The following PRLR variants were observed in gnomAD, a reference collection of about 807,000 sequenced individuals.
PRLR encodes prolactin receptor.
In PRLR, 13 loss-of-function variants were observed where a neutral mutation model predicts 40.2. The observed-to-expected ratio is 0.32, with a 90% CI of 0.21 to 0.51. The LOEUF (loss-of-function observed/expected upper bound fraction) is 0.51. Among genes scored for constraint, PRLR ranks in the 20% least tolerant of loss-of-function variants. PRLR has a pLI of 0.97. For missense variants in PRLR, 656 were observed against 747.3 expected (o/e 0.88, Z 1.42); for synonymous variants, 269 against 278.7 (o/e 0.97, Z 0.35).
intron 1 of PRLR, among the ~76,000 whole-genome samples, chr5:35,132,225 T>C (rs905633387): frequency 3.9e-5 from 6 of 152,168 alleles, no homozygotes; most frequent in African/African-American, 1.4e-4. Flanking sequence ...ATGTTCTAGG[T>C]CTTTAGGAAA....
chr5:35,084,817 G>A (rs745802425), intron 4 of PRLR, among the ~76,000 whole-genome samples, 178 bp from the exon 5 acceptor site: 6 of 152,168 alleles, frequency 3.9e-5, no homozygotes, highest in Non-Finnish European at 7.4e-5. Flanking sequence ...GAGTGAGAGA[G>A]GGAAGAGCAT....
intron 1 of PRLR, among the ~76,000 whole-genome samples, chr5:35,156,128 AAAAAAAAAAAAC>A (rs1362376878): frequency 6.6e-5 from 8 of 121,070 alleles, no homozygotes; most frequent in African/African-American, 1.3e-4. Flanking sequence ...TGCTCAAGAT[AAAAAAAAAAAAC>A]AAAAAAAAAA....
chr5:35,087,426 G>A (rs1770927120), intron 3 of PRLR, among the ~76,000 whole-genome samples: 1 of 147,576 alleles, frequency 6.8e-6, no homozygotes, highest in Admixed American at 7.0e-5. Context: ...TTTCCTTTGT[G>A]TGTGTGTGTG....
intron 2 of PRLR, among the ~76,000 whole-genome samples, chr5:35,105,385 T>C (rs755531218): frequency 1.3e-5 from 2 of 152,126 alleles, no homozygotes; most frequent in Non-Finnish European, 1.5e-5. Context: ...TGTTGACGAG[T>C]TGACAGAAGT....
At chr5:35,103,877 GA>G (rs1282056809) in intron 2 of PRLR, among the ~76,000 whole-genome samples, 1 of 152,202 alleles carries the variant, frequency 6.6e-6, no homozygotes, top group African/African-American at 2.4e-5. Flanking sequence ...TGCCTAAGCA[GA>G]AGGCCTGACA....
intron 1 of PRLR, among the ~76,000 whole-genome samples, chr5:35,224,125 A>G (rs968443530): frequency 5.3e-5 from 8 of 152,134 alleles, no homozygotes; most frequent in African/African-American, 1.9e-4. Flanking sequence ...TAGCGTTACA[A>G]TGCTGGGCTC....
chr5:35,071,690 C>G (rs1176400030), intron 6 of PRLR, among the ~76,000 whole-genome samples: 1 of 152,094 alleles, frequency 6.6e-6, no homozygotes, highest in African/African-American at 2.4e-5. Flanking sequence ...CTCTGCCTCC[C>G]AGGTTTAAGC....
chr5:35,092,788 T>G (rs2112484709), intron 2 of PRLR, among the ~76,000 whole-genome samples: 1 of 152,272 alleles, frequency 6.6e-6, no homozygotes. Context: ...AGCTCCTTGG[T>G]TTTGACTGAG....
chr5:35,102,274 C>T (rs951083683), intron 2 of PRLR, among the ~76,000 whole-genome samples: 2 of 152,018 alleles, frequency 1.3e-5, no homozygotes, highest in African/African-American at 4.8e-5. Flanking sequence ...TCAGCTGCTC[C>T]TAGAGATCAA....
chr5:35,064,516 A>T lies in PRLR; in HGVS notation c.*573T>A, dbSNP rs892451246. On this transcript the variant is annotated 3_prime_UTR_variant, in exon 10 of 10. Coordinates refer to ENST00000618457, the MANE Select transcript of PRLR (RefSeq NM_000949.7). ...ACTATTTTAAGAAAAAATTGGAGGC[A>T]TTATTTCTTACTTGCATATCAGCAA... 6.5e-6 allele frequency: 1 copy of T among 152,676 alleles called. No individual in the cohort carries two copies. The highest frequency in any genetic ancestry group is 1.5e-5 in the Non-Finnish European group (1 of 68,068). The allele number at this position is 152,676 out of a possible 1,614,324, so 9.5% of individuals were successfully genotyped here. A position where few individuals can be genotyped will look rare whatever the true frequency, so the allele number is the denominator to read the frequency against.
chr5:35,153,415 C>G (rs1774394571), intron 1 of PRLR, among the ~76,000 whole-genome samples: 2 of 152,142 alleles, frequency 1.3e-5, no homozygotes, highest in African/African-American at 4.8e-5. Flanking sequence ...TGAAATCTGC[C>G]TGTCCAGATC....
Position 35,068,723 on chromosome 5 carries a change from TG to T in PRLR, c.785+55del, listed in dbSNP as rs1166389561. 10 of 1,286,710 alleles carry T rather than the reference TG, an allele frequency of 7.8e-6. No homozygotes were observed. In the Admixed American group the frequency reaches 1.1e-4, roughly 15 times the overall value. The allele number at this position is 1,286,710 out of a possible 1,614,324, so 79.7% of individuals were successfully genotyped here. A position where few individuals can be genotyped will look rare whatever the true frequency, so the allele number is the denominator to read the frequency against. On this transcript the variant is annotated intron_variant, in intron 8 of 9. Coordinates refer to ENST00000618457, the MANE Select transcript of PRLR (RefSeq NM_000949.7). ...TCCATCATCTTTGTATTTTTTTTTT[TG>T]TCATTATCCTTGACTATCATGATTG...
rs1775837414 is a variant in PRLR at position 35,200,035 on chromosome 5, CTGATGAT to C, written c.-106+30226_-106+30232del. On this transcript the variant is annotated intron_variant, in intron 1 of 9. Coordinates refer to ENST00000618457, the MANE Select transcript of PRLR (RefSeq NM_000949.7). ...ACAGTCCTCCAAGCCTTGAGTGGCT[CTGATGAT>C]TGCCAAGAAAGAAGAGGTAGTGCTG... Among the ~76,000 whole-genome samples, 3 of 152,278 alleles carry C rather than the reference CTGATGAT, an allele frequency of 2.0e-5. No homozygotes were observed. The South Asian group carries it at 6.2e-4, about 32-fold the overall frequency.
At chr5:35,089,299 T>G (rs1477933427) in intron 3 of PRLR, among the ~76,000 whole-genome samples, 1 of 152,218 alleles carries the variant, frequency 6.6e-6, no homozygotes, top group Non-Finnish European at 1.5e-5. Context: ...AGGTCCTGTC[T>G]TCTTCAGAGC....
At chr5:35,076,784 G>A (rs1770130446) in intron 5 of PRLR, among the ~76,000 whole-genome samples, 1 of 152,176 alleles carries the variant, frequency 6.6e-6, no homozygotes, top group Non-Finnish European at 1.5e-5. Flanking sequence ...AACATTAAGG[G>A]CAGCCAGAGA....
chr5:35,200,861 A>G (rs1775865072), intron 1 of PRLR, among the ~76,000 whole-genome samples: 2 of 152,230 alleles, frequency 1.3e-5, no homozygotes, highest in Non-Finnish European at 2.9e-5. Context: ...AAGATCACAC[A>G]GATGAACGGA....
intron 1 of PRLR, among the ~76,000 whole-genome samples, chr5:35,156,406 T>C (rs554684839): frequency 6.6e-6 from 1 of 152,306 alleles, no homozygotes; most frequent in African/African-American, 2.4e-5. Flanking sequence ...AGAATACTTC[T>C]TTTAGAACGT....
chr5:35,128,820 A>T, intron 1 of PRLR, among the ~76,000 whole-genome samples: 1 of 152,176 alleles, frequency 6.6e-6, no homozygotes, highest in Admixed American at 6.5e-5. Flanking sequence ...TAACCTGCCC[A>T]TCAAGTATTT....
At chr5:35,097,820 C>G (rs1771626041) in intron 2 of PRLR, among the ~76,000 whole-genome samples, 1 of 152,076 alleles carries the variant, frequency 6.6e-6, no homozygotes, top group Non-Finnish European at 1.5e-5. Context: ...GTGTCAAGAT[C>G]TTTGGAAAGG....
Sources: allele counts gnomAD v4.1 joint callset (sites outside exome capture counted in the v4.1 genomes callset), GRCh38; gene constraint gnomAD v4.1.1; transcripts MANE v1.5; gene names NCBI Gene and HGNC (gene_info 2026-07-23, HGNC 2026-07-21).